Variants in RBMS3 observed in about 807,000 individuals in gnomAD.
RBMS3 encodes RNA binding motif single stranded interacting protein 3, also known as RNA-binding motif, single-stranded-interacting protein 3.
RBMS3 carries 27 observed loss-of-function variants against 66.8 expected under a neutral mutation model. The observed-to-expected ratio is 0.40, with a 90% CI of 0.30 to 0.56. The LOEUF is 0.56. Among genes scored for constraint, RBMS3 ranks in the 20% least tolerant of loss-of-function variants. The pLI, the probability that RBMS3 is intolerant of heterozygous loss-of-function variation, is 0.40. For missense variants in RBMS3, 513 were observed against 549.5 expected, an observed-to-expected ratio of 0.93 and a Z score of 0.66; for synonymous variants, 188 against 183.0, an observed-to-expected ratio of 1.03 and a Z score of -0.22.
At chr3:29,376,975 G>C (rs577309974) in intron 1 of RBMS3, among the ~76,000 whole-genome samples, 28 of 152,126 alleles carry the variant, frequency 1.8e-4, no homozygotes, top group African/African-American at 6.0e-4. Context: ...TGTAATCCCA[G>C]CTACTCAGGA....
At chr3:29,874,198 A>G (rs1376312907) in intron 7 of RBMS3, among the ~76,000 whole-genome samples, 1 of 152,166 alleles carries the variant, frequency 6.6e-6, no homozygotes, top group Non-Finnish European at 1.5e-5. Flanking sequence ...TTAGCTTTGA[A>G]GGCATATGGG....
chr3:29,534,026 A>G (rs970696127), intron 3 of RBMS3, among the ~76,000 whole-genome samples: 2 of 152,212 alleles, frequency 1.3e-5, no homozygotes, highest in African/African-American at 4.8e-5. Flanking sequence ...GAGTAATTAA[A>G]CACTGTGACT....
chr3:29,425,008 TC>T (rs1438342743), intron 1 of RBMS3, among the ~76,000 whole-genome samples: 2 of 151,886 alleles, frequency 1.3e-5, no homozygotes, highest in African/African-American at 2.4e-5. Context: ...TTAAGCTACA[TC>T]CATTGGTCTT....
intron 3 of RBMS3, among the ~76,000 whole-genome samples, chr3:29,499,654 A>G (rs1250034888): frequency 6.6e-6 from 1 of 152,238 alleles, no homozygotes; most frequent in East Asian, 1.9e-4. Flanking sequence ...CTAGGCATAC[A>G]GATAGACCTA....
intron 2 of RBMS3, among the ~76,000 whole-genome samples, chr3:29,439,820 T>C (rs1470518852): frequency 2.6e-5 from 4 of 152,144 alleles, no homozygotes; most frequent in African/African-American, 9.6e-5. Context: ...ATGGCTGTAA[T>C]ATTAAAAGCA....
intron 6 of RBMS3, among the ~76,000 whole-genome samples, chr3:29,815,271 C>A (rs1420883163): frequency 2.6e-5 from 4 of 152,186 alleles, no homozygotes; most frequent in African/African-American, 9.6e-5. Flanking sequence ...AGCTTCCATG[C>A]ACACCCAAAA....
At chr3:29,510,219 T>G (rs1045481591) in intron 3 of RBMS3, among the ~76,000 whole-genome samples, 1 of 152,236 alleles carries the variant, frequency 6.6e-6, no homozygotes, top group African/African-American at 2.4e-5. Flanking sequence ...AGTATAGATT[T>G]AAAGAGCACT....
intron 1 of RBMS3, among the ~76,000 whole-genome samples, chr3:29,388,678 G>T (rs1031970657): frequency 2.0e-5 from 3 of 152,036 alleles, no homozygotes; most frequent in African/African-American, 7.2e-5. Flanking sequence ...GCCATTCTCC[G>T]CCTCAGCCTC....
intron 3 of RBMS3, among the ~76,000 whole-genome samples, chr3:29,492,925 C>A (rs776488226): frequency 1.7e-4 from 26 of 152,120 alleles, no homozygotes; most frequent in Non-Finnish European, 3.4e-4. Context: ...TTCATTGGTA[C>A]CATGCTAAAT....
chr3:29,740,856 A>G (rs1210794331), intron 5 of RBMS3, among the ~76,000 whole-genome samples: 1 of 152,100 alleles, frequency 6.6e-6, no homozygotes, highest in African/African-American at 2.4e-5. Flanking sequence ...CCTGGCCAAC[A>G]TAGTGAAAAC....
intron 1 of RBMS3, among the ~76,000 whole-genome samples, chr3:29,356,932 C>G (rs1455121196): frequency 1.3e-5 from 2 of 152,164 alleles, no homozygotes; most frequent in East Asian, 3.9e-4. Flanking sequence ...AAGGGCAGGT[C>G]TTACATCGAG....
chr3:29,448,820 C>T (rs1303996957), intron 2 of RBMS3, among the ~76,000 whole-genome samples: 2 of 152,166 alleles, frequency 1.3e-5, no homozygotes, highest in African/African-American at 2.4e-5. Flanking sequence ...ACCTTATATT[C>T]TTTTGCAACT....
At position 29,339,676 on chromosome 3, in the gene RBMS3, A is replaced by C. The variant is rs1266572027; in HGVS notation, c.75+57920A>C. Among the ~76,000 whole-genome samples the C allele has an allele frequency of 2.0e-5, 3 of 152,146 alleles. No individual in the cohort carries two copies. In the East Asian group the frequency reaches 5.8e-4, roughly 29 times the overall value. On this transcript the variant is annotated intron_variant, in intron 1 of 14. Transcript: ENST00000383767. Reference sequence around the variant, plus strand: ...GTATTAAATAAGCAGTTGCCTCACAAGTACAATTCCTGGAGTTCTGGCAAG... The same window carrying C: ...GTATTAAATAAGCAGTTGCCTCACACGTACAATTCCTGGAGTTCTGGCAAG...
intron 6 of RBMS3, among the ~76,000 whole-genome samples, chr3:29,825,551 A>G (rs2058189970): frequency 6.6e-6 from 1 of 152,064 alleles, no homozygotes; most frequent in African/African-American, 2.4e-5. Flanking sequence ...TGGTTTTATA[A>G]TGGGGAGTTC....
chr3:29,878,163 C>A (rs1403854207), intron 7 of RBMS3, among the ~76,000 whole-genome samples: 1 of 151,974 alleles, frequency 6.6e-6, no homozygotes, highest in Non-Finnish European at 1.5e-5. Context: ...GAATCGAATG[C>A]CCCTCTGAAA....
At chr3:29,701,773 G>A (rs62234934) in intron 4 of RBMS3, among the ~76,000 whole-genome samples, 7,221 of 152,180 alleles carry the variant, frequency 0.047, 224 homozygotes, top group Non-Finnish European at 0.074. Flanking sequence ...CTGGCACTGC[G>A]CTGGAATTCT....
intron 1 of RBMS3, among the ~76,000 whole-genome samples, chr3:29,321,128 A>G (rs1333356902): frequency 6.6e-6 from 1 of 152,074 alleles, no homozygotes; most frequent in Non-Finnish European, 1.5e-5. Context: ...TCTTTCTTTC[A>G]CTTATAACCT....
intron 4 of RBMS3, among the ~76,000 whole-genome samples, chr3:29,722,845 C>T (rs963164960): frequency 8.5e-5 from 13 of 152,106 alleles, no homozygotes; most frequent in Admixed American, 1.3e-4. Context: ...TCCCATTCTG[C>T]TGATACTACT....
chr3:29,786,136 A>C (rs1347053250), intron 6 of RBMS3, among the ~76,000 whole-genome samples: 1 of 151,656 alleles, frequency 6.6e-6, no homozygotes. Context: ...ACCTAAGAAC[A>C]TGAAACACTT....
Sources: gnomAD v4.1 joint callset for allele counts (sites outside exome capture counted in the v4.1 genomes callset) on GRCh38, gnomAD v4.1.1 for gene constraint, MANE v1.5 for transcripts, NCBI Gene and HGNC (gene_info 2026-07-23, HGNC 2026-07-21) for gene names.